FCRL4: variants seen among roughly 807,000 people sequenced by gnomAD.
FCRL4 encodes Fc receptor-like protein 4.
A neutral mutation model predicts 64.1 loss-of-function variants in FCRL4; 43 were observed. The observed-to-expected ratio is 0.67, with a 90% CI of 0.53 to 0.87. FCRL4 has a LOEUF of 0.87. Among genes scored for constraint, FCRL4 ranks in the 40% least tolerant of loss-of-function variants. The probability of loss-of-function intolerance (pLI) is 0.00; values close to 1 mark genes in which losing one functional copy is unlikely to be tolerated. For missense variants in FCRL4, 656 were observed against 613.5 expected (o/e 1.07, Z -0.73); for synonymous variants, 253 against 239.8 (o/e 1.05, Z -0.51).
intron 2 of FCRL4, among the ~76,000 whole-genome samples, chr1:157,593,212 G>A (rs1652877690): frequency 6.6e-6 from 1 of 152,094 alleles, no homozygotes; most frequent in Admixed American, 6.6e-5. Flanking sequence ...TTGTGCACAT[G>A]TATCTTAGAA....
chr1:157,580,381 G>A, intron 7 of FCRL4, 33 bp from the exon 8 acceptor site: 1 of 1,613,636 alleles, frequency 6.2e-7, no homozygotes, highest in Non-Finnish European at 8.5e-7. Flanking sequence ...ATTTTTGTCA[G>A]CAGAGGGAGC....
intron 6 of FCRL4, among the ~76,000 whole-genome samples, chr1:157,582,760 A>G (rs897464037): frequency 6.6e-6 from 1 of 152,194 alleles, no homozygotes; most frequent in Non-Finnish European, 1.5e-5. Context: ...CCACTAATAA[A>G]CAGTATTCAG....
chr1:157,591,205 G>A (rs1415747796), intron 2 of FCRL4, among the ~76,000 whole-genome samples: 2 of 152,192 alleles, frequency 1.3e-5, no homozygotes, highest in East Asian at 3.8e-4. Context: ...ACACCCGTCA[G>A]TCTTCTTTCC....
rs764294678 is a variant in FCRL4, at chr1:157,589,290, G to C, written c.221C>G (p.Thr74Ser). The C allele has an allele frequency of 1.2e-6, 2 of 1,614,192 alleles. No individual in the cohort carries two copies. The highest frequency in any genetic ancestry group is 2.2e-5 in the South Asian group (2 of 91,086). The change falls in exon 3 of 12, where the codon ACC (threonine) becomes AGC (serine). Residue 74 changes from threonine (T) to serine (S), a missense_variant. Transcript: ENST00000271532. ...GEKLTLTPGNTLEVRESGLYR... is the reference protein window; with the variant it reads ...GEKLTLTPGNSLEVRESGLYR... Reference sequence around the variant, plus strand: ...CAGTCCAGATTCCCGAACCTCGAGGGTGTTTCCTGGGGTCAGGGTCAACTT... The same window carrying C: ...CAGTCCAGATTCCCGAACCTCGAGGCTGTTTCCTGGGGTCAGGGTCAACTT...
At chr1:157,582,073 G>T (rs1003844065) in intron 6 of FCRL4, among the ~76,000 whole-genome samples, 1 of 152,122 alleles carries the variant, frequency 6.6e-6, no homozygotes, top group Non-Finnish European at 1.5e-5. Flanking sequence ...CTCTGAGATT[G>T]CTCCGCATTG....
chr1:157,580,434 G>A, intron 7 of FCRL4, 86 bp from the exon 8 acceptor site: 2 of 1,416,086 alleles, frequency 1.4e-6, no homozygotes, highest in Non-Finnish European at 2.0e-6. Context: ...TCTAAGAGAG[G>A]TAATCAAGAC....
chr1:157,592,470 C>T (rs565886175), intron 2 of FCRL4, among the ~76,000 whole-genome samples: 4 of 152,230 alleles, frequency 2.6e-5, no homozygotes, highest in African/African-American at 9.6e-5. Context: ...ATGTAGCCAA[C>T]AGACACATGA....
chr1:157,593,647 T>G (rs1454246254), intron 2 of FCRL4, among the ~76,000 whole-genome samples: 4 of 152,214 alleles, frequency 2.6e-5, no homozygotes, highest in Non-Finnish European at 1.5e-5. Flanking sequence ...TCTGTGATGC[T>G]CATCATATTC....
intron 2 of FCRL4, among the ~76,000 whole-genome samples, chr1:157,590,603 T>C (rs1276055786): frequency 6.6e-6 from 1 of 151,288 alleles, no homozygotes; most frequent in African/African-American, 2.4e-5. Context: ...CTGCAACCTC[T>C]GCCTCCCAGA....
At position 157,581,572 on chromosome 1, in the gene FCRL4, G is replaced by A. The variant is rs1652560290; in HGVS notation, c.1208C>T (p.Ala403Val). ...TGGLLSALLL[A>V]VALLFHCWRR... Reference sequence around the variant, plus strand: ...CCAGCAGTGAAACAGCAGGGCCACAGCCAGGAGAAGAGCACTGAGCAGCCC... The same window carrying A: ...CCAGCAGTGAAACAGCAGGGCCACAACCAGGAGAAGAGCACTGAGCAGCCC... The change falls in exon 7 of 12, where the codon GCT becomes GTT. Residue 403 changes from alanine (A) to valine (V), a missense_variant. Coordinates refer to ENST00000271532, the MANE Select transcript of FCRL4 (RefSeq NM_031282.3). The A allele has an allele frequency of 1.2e-6, 2 of 1,613,986 alleles. No homozygotes were observed. Among genetic ancestry groups the A allele is most frequent in the African/African-American group, 1.3e-5 (1 of 74,942 alleles).
At chr1:157,589,566 C>T in intron 2 of FCRL4, 108 bp from the exon 3 acceptor site, 2 of 1,370,948 alleles carry the variant, frequency 1.5e-6, no homozygotes, top group Non-Finnish European at 2.0e-6. Context: ...CCCTAAGATG[C>T]CCCCGGATGA....
chr1:157,575,060 C>T lies in FCRL4; in HGVS notation c.*464G>A, dbSNP rs14335. ...TTTCATTGTTTGCACAGTGCCTGTG[C>T]AGCCACTCACAGTTAAACAAACTGA... is the stretch of plus-strand genomic sequence containing the variant. On this transcript the variant is annotated 3_prime_UTR_variant, in exon 12 of 12. Coordinates refer to ENST00000271532, the MANE Select transcript of FCRL4 (RefSeq NM_031282.3). 90,841 of 253,318 alleles carry T rather than the reference C, an allele frequency of 0.36. 19,239 individuals carry two copies. The highest frequency in any genetic ancestry group is 0.6 in the East Asian group (10,207 of 16,896). The allele number at this position is 253,318 out of a possible 1,614,324, so 15.7% of individuals were successfully genotyped here.
chr1:157,576,026 T>C (rs1652404319), intron 10 of FCRL4, among the ~76,000 whole-genome samples: 1 of 152,182 alleles, frequency 6.6e-6, no homozygotes, highest in African/African-American at 2.4e-5. Flanking sequence ...TTTTCTTAGT[T>C]TTAGTTCTTG....
chr1:157,587,344 C>A lies in FCRL4; in HGVS notation c.779G>T (p.Trp260Leu), dbSNP rs777501654. ...TVWRENSGSY[W>L]CGAETVRGNI... ...ACCCCTCACTGTTTCAGCACCACAC[C>A]AATAGGATCCTGAGTTTTCTCTCCA... Residue 260 changes from tryptophan (W) to leucine (L), a missense_variant, in exon 5 of 12, where the codon TGG (tryptophan) becomes TTG (leucine). Physicochemically the swap from Trp to Leu is moderately conservative, Grantham distance 61. Transcript: ENST00000271532. The A allele has an allele frequency of 1.1e-5, 17 of 1,614,184 alleles. No homozygotes were observed. The highest frequency in any genetic ancestry group is 1.3e-5 in the Non-Finnish European group (15 of 1,180,028).
chr1:157,595,525 G>A (rs941214943), intron 2 of FCRL4, among the ~76,000 whole-genome samples: 1 of 152,332 alleles, frequency 6.6e-6, no homozygotes. Context: ...CTGAGTTGAT[G>A]GGCTCTGAGG....
chr1:157,582,426 T>C (rs529886393), intron 6 of FCRL4, among the ~76,000 whole-genome samples: 2 of 152,134 alleles, frequency 1.3e-5, no homozygotes, highest in Non-Finnish European at 2.9e-5. Context: ...TAAATAAATT[T>C]ATACCGTGCC....
At chr1:157,580,631 G>A (rs903355827) in intron 7 of FCRL4, 27 of 400,050 alleles carry the variant, frequency 6.7e-5, no homozygotes, top group Non-Finnish European at 8.3e-5. Flanking sequence ...TATAACAAAA[G>A]TGTCACTTGG....
chr1:157,579,180 C>A (rs1652489492), intron 8 of FCRL4, among the ~76,000 whole-genome samples: 1 of 151,942 alleles, frequency 6.6e-6, no homozygotes, highest in Non-Finnish European at 1.5e-5. Flanking sequence ...CCAGCCTGGG[C>A]AACATAGTGA....
intron 3 of FCRL4, among the ~76,000 whole-genome samples, chr1:157,588,996 G>T (rs1469343417): frequency 6.6e-6 from 1 of 152,186 alleles, no homozygotes; most frequent in African/African-American, 2.4e-5. Context: ...TAAGTGTGTG[G>T]GGATGTCGAT....
Sources: allele counts gnomAD v4.1 joint callset (sites outside exome capture counted in the v4.1 genomes callset), GRCh38; gene constraint gnomAD v4.1.1; transcripts MANE v1.5; gene names NCBI Gene and HGNC (gene_info 2026-07-23, HGNC 2026-07-21).